Variants in PTPRG observed in about 807,000 individuals in gnomAD.
PTPRG encodes protein tyrosine phosphatase receptor type G.
PTPRG carries 102 observed loss-of-function variants against 165.3 expected under a neutral mutation model. The observed-to-expected ratio is 0.62, with a 90% CI of 0.53 to 0.73. The LOEUF is 0.73. Ranked by LOEUF, PTPRG falls within the 30% of genes least tolerant of loss-of-function variation. PTPRG has a pLI of 0.00. For missense variants in PTPRG, 1,866 were observed against 1,861.4 expected, an observed-to-expected ratio of 1.00 and a Z score of -0.05; for synonymous variants, 675 against 669.5, an observed-to-expected ratio of 1.01 and a Z score of -0.13.
intron 1 of PTPRG, among the ~76,000 whole-genome samples, chr3:61,706,015 A>T (rs1483158685): frequency 6.6e-6 from 1 of 152,204 alleles, no homozygotes; most frequent in African/African-American, 2.4e-5. Context: ...TATGTTGTAT[A>T]AAGAGCAAGT....
rs1701513393 is a variant in PTPRG at position 62,255,284 on chromosome 3, T to C, written c.2559+69T>C. On this transcript the variant is annotated intron_variant, in intron 16 of 29. Coordinates refer to ENST00000474889, the MANE Select transcript of PTPRG (RefSeq NM_002841.4). The surrounding 1 kb of genome is among the most constrained non-coding windows in gnomAD (Gnocchi z 4.0). ...TACTTTATGCAGATTTTTGTAAACT[T>C]GAACTGAATTCATTCCAAGCATAAC... The C allele has an allele frequency of 2.5e-6, 3 of 1,200,950 alleles. No homozygotes were observed. Among genetic ancestry groups the C allele is most frequent in the Middle Eastern group, 3.9e-4 (2 of 5,116 alleles). The allele number at this position is 1,200,950 out of a possible 1,614,324, so 74.4% of individuals were successfully genotyped here. A position where few individuals can be genotyped will look rare whatever the true frequency, so the allele number is the denominator to read the frequency against.
At chr3:62,010,376 G>GTGTA (rs1281896888) in intron 4 of PTPRG, among the ~76,000 whole-genome samples, 1 of 150,710 alleles carries the variant, frequency 6.6e-6, no homozygotes, top group Non-Finnish European at 1.5e-5. Flanking sequence ...CTTCTTGTGT[G>GTGTA]TGTGTGTGTG....
At chr3:61,830,554 C>CT (rs2036251228) in intron 2 of PTPRG, among the ~76,000 whole-genome samples, 1 of 115,510 alleles carries the variant, frequency 8.7e-6, no homozygotes, top group Non-Finnish European at 1.9e-5. Context: ...GGTGATGGTT[C>CT]TTTTTGTTTT....
intron 2 of PTPRG, among the ~76,000 whole-genome samples, chr3:61,961,887 C>T (rs1021689309): frequency 3.9e-5 from 6 of 152,124 alleles, no homozygotes; most frequent in Admixed American, 2.0e-4. Flanking sequence ...CCAGGTGATG[C>T]GCATGTGGCT....
intron 2 of PTPRG, chr3:61,750,887 G>A (rs2033399988): frequency 6.6e-6 from 1 of 152,138 alleles, no homozygotes; most frequent in Admixed American, 6.5e-5. Context: ...GGGTCCACAG[G>A]TTATATAGTT....
intron 2 of PTPRG, among the ~76,000 whole-genome samples, chr3:61,916,536 G>T (rs1054456185): frequency 1.3e-5 from 2 of 152,176 alleles, no homozygotes; most frequent in African/African-American, 4.8e-5. Flanking sequence ...CTTTCTGTGT[G>T]TGCTGTAACA....
chr3:62,236,069 G>A (rs1211287441), intron 14 of PTPRG, among the ~76,000 whole-genome samples: 1 of 152,092 alleles, frequency 6.6e-6, no homozygotes, highest in African/African-American at 2.4e-5. Flanking sequence ...GATCCCTTCC[G>A]GAAGAGATAC....
intron 2 of PTPRG, among the ~76,000 whole-genome samples, chr3:61,886,076 T>G (rs1283861145): frequency 5.3e-5 from 8 of 151,940 alleles, no homozygotes; most frequent in Non-Finnish European, 8.8e-5. Flanking sequence ...TGTCATGTAC[T>G]ACTTGGAGAA....
intron 28 of PTPRG, among the ~76,000 whole-genome samples, chr3:62,288,588 G>A (rs1329357743): frequency 1.3e-5 from 2 of 151,116 alleles, no homozygotes; most frequent in South Asian, 2.1e-4. Context: ...CAGGAGAATC[G>A]TTTGAACCTG....
At chr3:62,192,802 C>G (rs1289062685) in intron 9 of PTPRG, among the ~76,000 whole-genome samples, 2 of 152,156 alleles carry the variant, frequency 1.3e-5, no homozygotes, top group African/African-American at 2.4e-5. Flanking sequence ...AAGGAAGGCT[C>G]TGGAATAATG....
intron 2 of PTPRG, among the ~76,000 whole-genome samples, chr3:61,831,024 A>C (rs2036274983): frequency 6.6e-6 from 1 of 152,230 alleles, no homozygotes; most frequent in African/African-American, 2.4e-5. Context: ...CAGCCTTTGA[A>C]GCCTTAGCTT....
intron 5 of PTPRG, among the ~76,000 whole-genome samples, chr3:62,111,048 A>C (rs575142874): frequency 1.3e-5 from 2 of 152,226 alleles, no homozygotes; most frequent in Non-Finnish European, 2.9e-5. Flanking sequence ...ACCTTTACAC[A>C]GCCAAGATTC....
intron 2 of PTPRG, among the ~76,000 whole-genome samples, chr3:61,865,085 G>A (rs2037369030): frequency 6.6e-6 from 1 of 152,202 alleles, no homozygotes. Flanking sequence ...GAGACTGGAA[G>A]TCATTTTTGC....
intron 5 of PTPRG, among the ~76,000 whole-genome samples, chr3:62,110,680 A>T (rs1365224898): frequency 1.3e-5 from 2 of 152,206 alleles, no homozygotes; most frequent in South Asian, 2.1e-4. Context: ...TTTCTAGACT[A>T]AGTGATGTTG....
chr3:61,995,414 C>A (rs898237061), intron 3 of PTPRG, among the ~76,000 whole-genome samples: 3 of 152,206 alleles, frequency 2.0e-5, no homozygotes, highest in Non-Finnish European at 2.9e-5. Context: ...CAATAGCAAT[C>A]TTCATGATGT....
intron 2 of PTPRG, among the ~76,000 whole-genome samples, chr3:61,935,152 C>T (rs1413413091): frequency 6.6e-6 from 1 of 152,306 alleles, no homozygotes; most frequent in East Asian, 1.9e-4. Flanking sequence ...GCCCAGCACC[C>T]ACATTCCCTT....
rs533059634 is a variant in PTPRG at position 62,233,612 on chromosome 3, C to T, written c.2375+2301C>T. Among the ~76,000 whole-genome samples the T allele has an allele frequency of 2.0e-5, 3 of 152,270 alleles. No homozygotes were observed. On this transcript the variant is annotated intron_variant, in intron 14 of 29. Transcript: ENST00000474889. This position sits in a 1 kb window ranked among gnomAD's most constrained non-coding sequence, Gnocchi z 4.7. The stretch of plus-strand genomic sequence containing the variant: ...TCAAAAGAAGAGCCCCCAGTGATAG[C>T]TAAATTGCAACCCTCCAAACAGCTA...
chr3:62,051,768 A>G (rs553818400), intron 4 of PTPRG, among the ~76,000 whole-genome samples: 2 of 152,302 alleles, frequency 1.3e-5, no homozygotes, highest in Admixed American at 6.5e-5. Flanking sequence ...TATTTGATGT[A>G]TATGTTGCAG....
At chr3:62,167,352 G>A (rs1373436250) in intron 7 of PTPRG, among the ~76,000 whole-genome samples, 2 of 152,042 alleles carry the variant, frequency 1.3e-5, no homozygotes, top group African/African-American at 2.4e-5. Context: ...CTAGTATGTC[G>A]GAAGATGCCA....
Sources: gnomAD v4.1 joint callset for allele counts (sites outside exome capture counted in the v4.1 genomes callset) on GRCh38, gnomAD v4.1.1 for gene constraint, Gnocchi (gnomAD v3.1) non-coding constraint, MANE v1.5 for transcripts, NCBI Gene and HGNC (gene_info 2026-07-23, HGNC 2026-07-21) for gene names.